The following OR52E5 variants were observed in gnomAD, a reference collection of about 807,000 sequenced individuals.
OR52E5 encodes the protein olfactory receptor 52E5.
At position 5,900,725 on chromosome 11, in the gene OR52E5, G is replaced by A; in HGVS notation, c.-52G>A. 2.5e-6 allele frequency: 1 copy of A among 398,952 alleles called. No individual in the cohort carries two copies. Among genetic ancestry groups the A allele is most frequent in the Non-Finnish European group, 4.4e-6 (1 of 226,078 alleles). 24.7% of individuals were successfully genotyped at this position (398,952 alleles called of 1,614,324 possible). ...GTGAAAGAAGTTATGGTTTCTCACT[G>A]GAAGCAAGAAAACTCATGCAAGAAA... is the stretch of plus-strand genomic sequence containing the variant. On this transcript the variant is annotated 5_prime_UTR_variant, in exon 3 of 3. An upstream open reading frame in the 5' UTR gains an earlier in-frame stop. Coordinates refer to ENST00000610445, the MANE Select transcript of OR52E5 (RefSeq NM_001005166.5).
In OR52E5 at chr11:5,902,071, C is replaced by A. The variant is rs1239985009; in HGVS notation, c.*311C>A. Reference sequence around the variant, plus strand: ...ATTCTCTGTATTTACATATCCAAAGCTGAAGTTCATGACGATTAAAATGAT... The same window carrying A: ...ATTCTCTGTATTTACATATCCAAAGATGAAGTTCATGACGATTAAAATGAT... On this transcript the variant is annotated 3_prime_UTR_variant, in exon 3 of 3. Coordinates refer to ENST00000610445, the MANE Select transcript of OR52E5 (RefSeq NM_001005166.5). The A allele has an allele frequency of 5.0e-6, 1 of 200,616 alleles. No individual in the cohort carries two copies. The highest frequency in any genetic ancestry group is 1.0e-5 in the Non-Finnish European group (1 of 98,594). The allele number at this position is 200,616 out of a possible 1,614,324, so 12.4% of individuals were successfully genotyped here. A position where few individuals can be genotyped will look rare whatever the true frequency, so the allele number is the denominator to read the frequency against.
intron 2 of OR52E5, among the ~76,000 whole-genome samples, chr11:5,896,173 C>T (rs1255251625): frequency 1.4e-4 from 20 of 144,252 alleles, no homozygotes; most frequent in Non-Finnish European, 2.5e-4. Context: ...GAGGCTGAGG[C>T]GAGCAGATCA....
Position 5,901,570 on chromosome 11 carries a change from A to T in OR52E5, c.794A>T (p.His265Leu). ...TCCTTCATGACACACCGCTTTGGCC[A>T]CAACATCCCTCATTACATCCACATT... is the stretch of plus-strand genomic sequence containing the variant. The part of the protein sequence containing the change: ...LFSFMTHRFG[H>L]NIPHYIHILL... Residue 265 changes from histidine to leucine, a missense_variant, in exon 3 of 3, where the codon CAC becomes CTC. Physicochemically the swap from His to Leu is moderately conservative, Grantham distance 99. Transcript: ENST00000610445. The T allele has an allele frequency of 2.5e-6, 1 of 401,828 alleles. No individual in the cohort carries two copies. Among genetic ancestry groups the T allele is most frequent in the Admixed American group, 4.4e-5 (1 of 22,718 alleles). The allele number at this position is 401,828 out of a possible 1,614,324, so 24.9% of individuals were successfully genotyped here. A position where few individuals can be genotyped will look rare whatever the true frequency, so the allele number is the denominator to read the frequency against.
At chr11:5,894,852 T>C (rs1421339695) in intron 1 of OR52E5, among the ~76,000 whole-genome samples, 2 of 152,142 alleles carry the variant, frequency 1.3e-5, no homozygotes, top group Admixed American at 6.6e-5. Flanking sequence ...TCTTCCATTG[T>C]AGATTAAAAG....
chr11:5,896,138 G>A (rs1482990372), intron 2 of OR52E5, among the ~76,000 whole-genome samples: 4 of 147,478 alleles, frequency 2.7e-5, no homozygotes, highest in Non-Finnish European at 5.9e-5. Context: ...ACAGAACAGG[G>A]TATAATAATC....
rs1847253445 is a variant in OR52E5, at chr11:5,901,503, C to CA, written c.728dup (p.His243GlnfsTer45). On this transcript the variant is annotated frameshift_variant, in exon 3 of 3. Transcript: ENST00000610445. LOFTEE classifies it low-confidence loss of function (END_TRUNC). ...TAAGGCACTCAGCACATGTGGCTCT[C>CA]ACGTCTGTGTTATGTTGGCTTTCTA... The CA allele has an allele frequency of 2.5e-6, 1 of 401,698 alleles. No homozygotes were observed. Among genetic ancestry groups the CA allele is most frequent in the African/African-American group, 2.1e-5 (1 of 48,696 alleles). The allele number at this position is 401,698 out of a possible 1,614,324, so 24.9% of individuals were successfully genotyped here.
chr11:5,893,854 A>C (rs1295522205), intron 1 of OR52E5, among the ~76,000 whole-genome samples: 2 of 152,150 alleles, frequency 1.3e-5, no homozygotes, highest in African/African-American at 4.8e-5. Context: ...GGGACAACTT[A>C]GAGAGATCAA....
intron 2 of OR52E5, among the ~76,000 whole-genome samples, chr11:5,898,613 T>C (rs1253043782): frequency 6.6e-6 from 1 of 152,188 alleles, no homozygotes; most frequent in African/African-American, 2.4e-5. Flanking sequence ...TGAGTTAATT[T>C]TGTATATGGT....
rs1458704795 is a variant in OR52E5 at position 5,894,125 on chromosome 11, TA to T, written c.-228+862del. Among the ~76,000 whole-genome samples the T allele has an allele frequency of 3.9e-5, 6 of 152,288 alleles. No individual in the cohort carries two copies. The East Asian group carries it at 9.6e-4, about 24-fold the overall frequency. ...AATAGCCATTTGTGGATCCTGGCAT[TA>T]AAAAAATCATGTTATCATGGAGATA... is the stretch of plus-strand genomic sequence containing the variant. On this transcript the variant is annotated intron_variant, in intron 1 of 2. Coordinates refer to ENST00000610445, the MANE Select transcript of OR52E5 (RefSeq NM_001005166.5).
rs1028835235 is a variant in OR52E5 at position 5,900,622 on chromosome 11, C to G, written c.-145-10C>G. 7.6e-6 allele frequency: 3 copies of G among 394,962 alleles called. No individual in the cohort carries two copies. Among genetic ancestry groups the G allele is most frequent in the African/African-American group, 6.2e-5 (3 of 48,480 alleles). 24.5% of individuals were successfully genotyped at this position (394,962 alleles called of 1,614,324 possible). ...TGTCTTTTTAACTATATTTCATATT[C>G]CCTCTCTAGGTCTCTTATGCTATAT... On this transcript the variant is annotated splice_polypyrimidine_tract_variant and intron_variant, in intron 2 of 2. Coordinates refer to ENST00000610445, the MANE Select transcript of OR52E5 (RefSeq NM_001005166.5).
rs1847239485 is a variant in OR52E5 at position 5,900,830 on chromosome 11, G to A, written c.54G>A (p.Gly18=). The change falls in exon 3 of 3, where the codon GGG becomes GGA. Residue 18 remains glycine, a synonymous_variant. Transcript: ENST00000610445. ...QFHPSTFLVV[G]VPGLEDVHVW... ...ACCCTTCCACCTTCCTCGTAGTGGGGGTCCCAGGGCTGGAAGATGTGCATG... is the reference window on the plus strand; with the variant it reads ...ACCCTTCCACCTTCCTCGTAGTGGGAGTCCCAGGGCTGGAAGATGTGCATG... 7.5e-6 allele frequency: 3 copies of A among 401,206 alleles called. No individual in the cohort carries two copies. In the Admixed American group the frequency reaches 1.3e-4, roughly 18 times the overall value. The allele number at this position is 401,206 out of a possible 1,614,324, so 24.9% of individuals were successfully genotyped here. A position where few individuals can be genotyped will look rare whatever the true frequency, so the allele number is the denominator to read the frequency against.
Position 5,900,869 on chromosome 11 carries a change from C to A in OR52E5, c.93C>A (p.Phe31Leu). Reference protein sequence around the residue: ...GLEDVHVWIGFPFFAVYLTAL... With the variant: ...GLEDVHVWIGLPFFAVYLTAL... ...AAGATGTGCATGTATGGATTGGCTT[C>A]CCCTTCTTTGCAGTGTATCTAACAG... The change falls in exon 3 of 3, where the codon TTC becomes TTA. Residue 31 changes from phenylalanine to leucine, a missense_variant. Physicochemically the swap from Phe to Leu is conservative, Grantham distance 22. Coordinates refer to ENST00000610445, the MANE Select transcript of OR52E5 (RefSeq NM_001005166.5). 2.5e-6 allele frequency: 1 copy of A among 401,298 alleles called. No individual in the cohort carries two copies. The highest frequency in any genetic ancestry group is 4.4e-6 in the Non-Finnish European group (1 of 226,274). 24.9% of individuals were successfully genotyped at this position (401,298 alleles called of 1,614,324 possible).
chr11:5,894,980 T>C (rs1168044049), intron 1 of OR52E5, among the ~76,000 whole-genome samples: 2 of 152,026 alleles, frequency 1.3e-5, no homozygotes, highest in African/African-American at 4.8e-5. Context: ...TCTCAGAAAA[T>C]ACTTATGATA....
intron 1 of OR52E5, among the ~76,000 whole-genome samples, chr11:5,894,566 A>G (rs1280759425): frequency 2.0e-5 from 3 of 152,222 alleles, no homozygotes; most frequent in African/African-American, 7.2e-5. Context: ...ATAAGAGGAA[A>G]TATGAAGAAA....
chr11:5,893,228 G>C lies in OR52E5; in HGVS notation c.-270G>C, dbSNP rs1378325956. The C allele has an allele frequency of 3.3e-5, 5 of 152,236 alleles. No homozygotes were observed. Among genetic ancestry groups the C allele is most frequent in the African/African-American group, 7.2e-5 (3 of 41,442 alleles). The allele number at this position is 152,236 out of a possible 1,614,324, so 9.4% of individuals were successfully genotyped here. ...TGTCGCATACAGGTTGCAGTCTGGGGTATCCGGTCCTTCACAGACAATTTC... is the reference window on the plus strand; with the variant it reads ...TGTCGCATACAGGTTGCAGTCTGGGCTATCCGGTCCTTCACAGACAATTTC... On this transcript the variant is annotated 5_prime_UTR_variant, in exon 1 of 3. Coordinates refer to ENST00000610445, the MANE Select transcript of OR52E5 (RefSeq NM_001005166.5).
intron 2 of OR52E5, among the ~76,000 whole-genome samples, chr11:5,896,196 A>G (rs1847171569): frequency 6.7e-6 from 1 of 148,644 alleles, no homozygotes; most frequent in Non-Finnish European, 1.5e-5. Context: ...AGGTCAGGAG[A>G]TCAAGACATC....
intron 1 of OR52E5, among the ~76,000 whole-genome samples, chr11:5,894,514 T>G (rs192908026): frequency 1.3e-5 from 2 of 152,164 alleles, no homozygotes; most frequent in African/African-American, 4.8e-5. Context: ...ATCTAGGCTA[T>G]GTACTATAGT....
chr11:5,895,501 A>C (rs972840791), intron 1 of OR52E5, 131 bp from the exon 2 acceptor site: 7 of 152,196 alleles, frequency 4.6e-5, no homozygotes, highest in African/African-American at 1.7e-4. Flanking sequence ...TTTTCTGCAA[A>C]CAAAATTCTC....
chr11:5,899,575 C>G (rs1203271034), intron 2 of OR52E5, among the ~76,000 whole-genome samples: 1 of 152,148 alleles, frequency 6.6e-6, no homozygotes, highest in Non-Finnish European at 1.5e-5. Context: ...AAATGAGCAT[C>G]AAAGTAATTT....
Sources: gnomAD v4.1 joint callset for allele counts (sites outside exome capture counted in the v4.1 genomes callset) on GRCh38, gnomAD v4.1.1 for gene constraint, MANE v1.5 for transcripts, NCBI Gene and HGNC (gene_info 2026-07-23, HGNC 2026-07-21) for gene names.